The following MIA3 variants were observed in gnomAD, a reference collection of about 807,000 sequenced individuals.
MIA3 encodes MIA SH3 domain ER export factor 3.
Under a neutral mutation model 192.4 loss-of-function variants are expected in MIA3, and 90 were observed. The observed-to-expected ratio is 0.47, with a 90% CI of 0.39 to 0.56. The LOEUF is 0.56. MIA3 is among the 20% of genes least tolerant of loss of function. MIA3 has a pLI of 0.00. For synonymous variants in MIA3, 740 were observed against 792.8 expected (o/e 0.93, Z 1.12); for missense variants, 2,123 against 2,269.4 (o/e 0.94, Z 1.31).
chr1:222,660,495 G>A (rs1663957408), intron 24 of MIA3, 181 bp downstream of exon 24: 1 of 468,372 alleles, frequency 2.1e-6, no homozygotes, highest in Non-Finnish European at 3.6e-6. Context: ...TAGAACAGAA[G>A]GCATTTATTA....
Position 222,645,603 on chromosome 1 carries a change from G to A in MIA3, c.3527G>A (p.Gly1176Glu), listed in dbSNP as rs1663100722. 1 of 1,613,598 alleles carries A rather than the reference G, an allele frequency of 6.2e-7. No individual in the cohort carries two copies. The highest frequency in any genetic ancestry group is 2.2e-5 in the East Asian group (1 of 44,820). Residue 1176 changes from glycine to glutamate, a missense_variant, in exon 7 of 28, where the codon GGA (glycine) becomes GAA (glutamate). Transcript: ENST00000344922. Reference sequence around the variant, plus strand: ...GTTCAGCCTGGGCCTGATTTTTATGGACTGCCATGGAAACCTGTATTTATC... The same window carrying A: ...GTTCAGCCTGGGCCTGATTTTTATGAACTGCCATGGAAACCTGTATTTATC... ...DDVQPGPDFY[G>E]LPWKPVFITA...
chr1:222,629,813 T>C lies in MIA3; in HGVS notation c.2593T>C (p.Ser865Pro). ...CAACCCTGAGGAACATCTGAAGACCTCAGGGCTTGCAGGGGAGCCTGAGGG... is the reference window on the plus strand; with the variant it reads ...CAACCCTGAGGAACATCTGAAGACCCCAGGGCTTGCAGGGGAGCCTGAGGG... Reference protein sequence around the residue: ...NDNPEEHLKTSGLAGEPEGEL... With the variant: ...NDNPEEHLKTPGLAGEPEGEL... The change falls in exon 4 of 28, where the codon TCA (serine) becomes CCA (proline). Residue 865 changes from serine to proline, a missense_variant. Physicochemically the swap from Ser to Pro is moderately conservative, Grantham distance 74. Coordinates refer to ENST00000344922, the MANE Select transcript of MIA3 (RefSeq NM_198551.4). The C allele has an allele frequency of 6.2e-7, 1 of 1,614,034 alleles. No individual in the cohort carries two copies. Among genetic ancestry groups the C allele is most frequent in the Non-Finnish European group, 8.5e-7 (1 of 1,179,996 alleles).
chr1:222,627,443 G>A, intron 3 of MIA3, 132 bp from the exon 4 acceptor site: 1 of 731,070 alleles, frequency 1.4e-6, no homozygotes, highest in South Asian at 1.9e-5. Flanking sequence ...AACAGTCAGT[G>A]CCCAGTGTTG....
chr1:222,650,937 T>C (rs904689620), intron 11 of MIA3, 34 bp downstream of exon 11: 10 of 1,371,222 alleles, frequency 7.3e-6, no homozygotes, highest in African/African-American at 4.4e-5. Context: ...TACTAATAAT[T>C]TGGGTTTTGA....
intron 27 of MIA3, 103 bp from the exon 28 acceptor site, chr1:222,665,197 CAAAAAAAAA>C (rs879011032): frequency 6.1e-4 from 235 of 384,896 alleles, no homozygotes; most frequent in East Asian, 8.2e-4. Flanking sequence ...ACCCTGCCGC[CAAAAAAAAA>C]AAAAAAAAAA....
In MIA3 at chr1:222,646,934, GA is replaced by G. The variant is rs373476249; in HGVS notation, c.3609+1256del. Among the ~76,000 whole-genome samples, 190 of 151,816 alleles carry G rather than the reference GA, an allele frequency of 1.3e-3. 6 individuals carry two copies. In the South Asian group the frequency reaches 0.017, roughly 13 times the overall value. ...AATACTCACAATTTAACATGAAGTA[GA>G]AAAAAAGTAGAAACCAAGACTTTAA... On this transcript the variant is annotated intron_variant, in intron 7 of 27. Transcript: ENST00000344922.
At position 222,644,690 on chromosome 1, in the gene MIA3, G is replaced by A. The variant is rs573581117; in HGVS notation, c.3478-864G>A. 123 of 1,262,692 alleles carry A rather than the reference G, an allele frequency of 9.7e-5. No homozygotes were observed. In the African/African-American group the frequency reaches 1.7e-3, roughly 17 times the overall value. 78.2% of individuals were successfully genotyped at this position (1,262,692 alleles called of 1,614,324 possible). On this transcript the variant is annotated intron_variant, in intron 6 of 27. Coordinates refer to ENST00000344922, the MANE Select transcript of MIA3 (RefSeq NM_198551.4). Reference sequence around the variant, plus strand: ...ATTGTCTGTGCAAAGGAGAAATGGAGTGTGTCAGATCCGAGGAAAGCAAGA... The same window carrying A: ...ATTGTCTGTGCAAAGGAGAAATGGAATGTGTCAGATCCGAGGAAAGCAAGA...
intron 2 of MIA3, 81 bp from the exon 3 acceptor site, chr1:222,624,687 T>G: frequency 1.4e-6 from 1 of 713,334 alleles, no homozygotes; most frequent in East Asian, 2.6e-5. Flanking sequence ...TGCTGTAGAT[T>G]GAGGTTTGCA....
chr1:222,659,327 A>G (rs1663889298), intron 19 of MIA3, 126 bp from the exon 20 acceptor site: 1 of 772,932 alleles, frequency 1.3e-6, no homozygotes. Flanking sequence ...ACCATGTAAA[A>G]TATGCTTTAT....
At chr1:222,639,415 G>A (rs1662760858) in intron 6 of MIA3, among the ~76,000 whole-genome samples, 1 of 151,934 alleles carries the variant, frequency 6.6e-6, no homozygotes, top group East Asian at 1.9e-4. Flanking sequence ...TCAAAACAAG[G>A]CAAAGACAAA....
intron 18 of MIA3, 199 bp from the exon 19 acceptor site, chr1:222,658,523 C>G: frequency 2.4e-6 from 1 of 419,546 alleles, no homozygotes; most frequent in Non-Finnish European, 4.5e-6. Flanking sequence ...AATTATGAGA[C>G]GTTAGAAAAT....
At chr1:222,638,150 A>C (rs1662712425) in intron 6 of MIA3, among the ~76,000 whole-genome samples, 1 of 152,208 alleles carries the variant, frequency 6.6e-6, no homozygotes, top group Non-Finnish European at 1.5e-5. Context: ...GAAGAGCAGA[A>C]TACATATTAT....
At position 222,650,699 on chromosome 1, in the gene MIA3, A is replaced by T; in HGVS notation, c.3786A>T (p.Ala1262=). The T allele has an allele frequency of 6.3e-7, 1 of 1,596,298 alleles. No individual in the cohort carries two copies. Among genetic ancestry groups the T allele is most frequent in the South Asian group, 1.1e-5 (1 of 88,338 alleles). ...RKQNMILSDE[A]IKYKDKIKTL... ...AAAATATGATTCTCTCTGATGAAGC[A>T]ATTAAATATAAGGTAAAAACTTCTT... Residue 1262 remains alanine, a synonymous_variant, in exon 10 of 28, where the codon GCA becomes GCT. Transcript: ENST00000344922.
chr1:222,628,740 T>C lies in MIA3; in HGVS notation c.1520T>C (p.Met507Thr), dbSNP rs1189139784. Reference protein sequence around the residue: ...SSVHSNNLNSMPAAEKGKDTL... With the variant: ...SSVHSNNLNSTPAAEKGKDTL... ...GTTCACAGCAATAACCTCAACTCTATGCCAGCTGCTGAAAAGGGTAAAGAC... is the reference window on the plus strand; with the variant it reads ...GTTCACAGCAATAACCTCAACTCTACGCCAGCTGCTGAAAAGGGTAAAGAC... The change falls in exon 4 of 28, where the codon ATG (methionine) becomes ACG (threonine). Residue 507 changes from methionine to threonine, a missense_variant. This residue lies in a region of MIA3 where 1,357 missense variants were observed against 1,396.1 expected (regional missense o/e 0.97). Transcript: ENST00000344922. 1 of 1,614,128 alleles carries C rather than the reference T, an allele frequency of 6.2e-7. No individual in the cohort carries two copies. The highest frequency in any genetic ancestry group is 2.2e-5 in the East Asian group (1 of 44,890).
chr1:222,655,748 G>A (rs1663683737), intron 18 of MIA3, among the ~76,000 whole-genome samples: 1 of 152,120 alleles, frequency 6.6e-6, no homozygotes, highest in African/African-American at 2.4e-5. Flanking sequence ...GCCTCCAATA[G>A]TAATGTGAAT....
In MIA3 at chr1:222,628,527, A is replaced by C. The variant is rs1469550925; in HGVS notation, c.1307A>C (p.Asp436Ala). ...CCACAGTCAGCAACAGATTATAGTGACCCTGACAATGTAGATGATGGTCTT... is the reference window on the plus strand; with the variant it reads ...CCACAGTCAGCAACAGATTATAGTGCCCCTGACAATGTAGATGATGGTCTT... ...GKPQSATDYSDPDNVDDGLFI... is the reference protein window; with the variant it reads ...GKPQSATDYSAPDNVDDGLFI... Residue 436 changes from aspartate (D) to alanine (A), a missense_variant, in exon 4 of 28, where the codon GAC (aspartate) becomes GCC (alanine). Transcript: ENST00000344922. The C allele has an allele frequency of 6.2e-7, 1 of 1,614,166 alleles. No homozygotes were observed. The highest frequency in any genetic ancestry group is 1.7e-5 in the Admixed American group (1 of 60,014).
chr1:222,654,737 G>A lies in MIA3; in HGVS notation c.4551G>A (p.Arg1517=), dbSNP rs1277146008. 6.2e-7 allele frequency: 1 copy of A among 1,614,116 alleles called. No homozygotes were observed. Residue 1517 remains arginine (R), a synonymous_variant, in exon 18 of 28, where the codon AGG becomes AGA. Coordinates refer to ENST00000344922, the MANE Select transcript of MIA3 (RefSeq NM_198551.4). The part of the protein sequence containing the change: ...AGLEDECKTL[R]QKVEILNELY... ...TGGAAGATGAATGCAAAACCTTGAG[G>A]CAGAAAGTGGAGATTCTGAATGAGC...
In MIA3 at chr1:222,618,161, C is replaced by T; in HGVS notation, c.51C>T (p.Pro17=). 1 of 1,507,970 alleles carries T rather than the reference C, an allele frequency of 6.6e-7. No homozygotes were observed. Among genetic ancestry groups the T allele is most frequent in the East Asian group, 2.8e-5 (1 of 35,840 alleles). The allele number at this position is 1,507,970 out of a possible 1,614,324, so 93.4% of individuals were successfully genotyped here. A position where few individuals can be genotyped will look rare whatever the true frequency, so the allele number is the denominator to read the frequency against. Residue 17 remains proline (P), a synonymous_variant, in exon 1 of 28, where the codon CCC becomes CCT. Coordinates refer to ENST00000344922, the MANE Select transcript of MIA3 (RefSeq NM_198551.4). The part of the protein sequence containing the change: ...LLVWLLVLRL[P]WRVPGQLDPS... ...TCTGGCTGCTCGTGCTCCGGCTGCC[C>T]TGGCGGGTGCCGGGCCAGCTGGACC...
chr1:222,653,081 C>G lies in MIA3; in HGVS notation c.4160C>G (p.Ser1387Cys). Residue 1387 changes from serine (S) to cysteine (C), a missense_variant, in exon 14 of 28, where the codon TCT (serine) becomes TGT (cysteine). By Grantham distance (112) the Ser-to-Cys change is moderately radical (BLOSUM62 -1). This residue lies in a region of MIA3 where 762 missense variants were observed against 856.4 expected (regional missense o/e 0.89). Transcript: ENST00000344922. ...LSEQIKSFEK[S>C]QKDLEVALTH... ...GAGCAAATCAAATCATTTGAGAAGT[C>G]TCAGAAAGATTTGGAAGTAGCTCTT... 6.2e-7 allele frequency: 1 copy of G among 1,612,506 alleles called. No individual in the cohort carries two copies. Among genetic ancestry groups the G allele is most frequent in the South Asian group, 1.1e-5 (1 of 91,050 alleles).
Sources: allele counts gnomAD v4.1 joint callset (sites outside exome capture counted in the v4.1 genomes callset), GRCh38; gene constraint gnomAD v4.1.1; regional missense constraint gnomAD v4.1.1; transcripts MANE v1.5; gene names NCBI Gene and HGNC (gene_info 2026-07-23, HGNC 2026-07-21).